Variants in TBC1D22A observed in about 807,000 individuals in gnomAD.
The protein encoded by TBC1D22A is putative GTPase activator.
Under a neutral mutation model 60.2 loss-of-function variants are expected in TBC1D22A, and 38 were observed. The ratio of observed to expected loss-of-function variants is 0.63; its 90% CI spans 0.49 to 0.83. The LOEUF is 0.83. TBC1D22A is among the 40% of genes least tolerant of loss of function. The probability of loss-of-function intolerance (pLI) is 0.00; values close to 1 mark genes in which losing one functional copy is unlikely to be tolerated. For missense variants in TBC1D22A, 628 were observed against 701.0 expected (o/e 0.90, Z 1.18); for synonymous variants, 302 against 281.7 (o/e 1.07, Z -0.72).
intron 8 of TBC1D22A, among the ~76,000 whole-genome samples, chr22:46,942,442 C>T (rs1443462270): frequency 6.6e-6 from 1 of 152,124 alleles, no homozygotes; most frequent in East Asian, 1.9e-4. Flanking sequence ...CTACTCTGGT[C>T]ACAGCGTTTC....
At chr22:47,076,094 T>G (rs575990289) in intron 11 of TBC1D22A, among the ~76,000 whole-genome samples, 103 of 152,194 alleles carry the variant, frequency 6.8e-4, no homozygotes, top group Middle Eastern at 3.4e-3. Flanking sequence ...CTGTAATCAT[T>G]GTGGTAGATT....
chr22:46,786,095 G>A (rs959456149), intron 1 of TBC1D22A, among the ~76,000 whole-genome samples: 6 of 152,154 alleles, frequency 3.9e-5, no homozygotes, highest in Non-Finnish European at 8.8e-5. Flanking sequence ...TTTTTCCTGA[G>A]CTTAGGGGCA....
rs779141261 is a variant in TBC1D22A at position 46,836,326 on chromosome 22, T to A, written c.637+38706T>A. ...TATGGTATCAATAGCAAAATGTGCA[T>A]GTGTGTATTTGTAAGAGAGAGAACT... On this transcript the variant is annotated intron_variant, in intron 4 of 12. Transcript: ENST00000337137. 5.3e-5 allele frequency among the ~76,000 whole-genome samples: 8 copies of A among 152,326 alleles called. No individual in the cohort carries two copies. The South Asian group carries it at 1.0e-3, about 20-fold the overall frequency.
intron 1 of TBC1D22A, among the ~76,000 whole-genome samples, chr22:46,784,069 A>C (rs924984661): frequency 5.9e-5 from 9 of 152,112 alleles, no homozygotes; most frequent in African/African-American, 1.9e-4. Flanking sequence ...TTTTGTATAC[A>C]AAGTCTTGCT....
intron 1 of TBC1D22A, among the ~76,000 whole-genome samples, chr22:46,776,307 TG>T (rs1224660341): frequency 1.3e-5 from 2 of 152,050 alleles, no homozygotes; most frequent in Non-Finnish European, 2.9e-5. Context: ...GCTGGCTACC[TG>T]AGAACAGAGG....
intron 11 of TBC1D22A, among the ~76,000 whole-genome samples, chr22:47,066,020 G>C (rs886803509): frequency 1.3e-5 from 2 of 152,212 alleles, no homozygotes; most frequent in Admixed American, 1.3e-4. Flanking sequence ...CGTCATGGGA[G>C]ATAAAGACTT....
At chr22:47,091,886 T>C (rs1341214547) in intron 11 of TBC1D22A, among the ~76,000 whole-genome samples, 1 of 152,188 alleles carries the variant, frequency 6.6e-6, no homozygotes, top group Admixed American at 6.6e-5. Context: ...ATTCTCTTAA[T>C]CACCTGTTTT....
At chr22:47,031,876 G>T (rs1021523873) in intron 10 of TBC1D22A, among the ~76,000 whole-genome samples, 16 of 152,184 alleles carry the variant, frequency 1.1e-4, no homozygotes, top group African/African-American at 3.9e-4. Flanking sequence ...TCAGGGAGGG[G>T]CTGAGGGCTT....
intron 4 of TBC1D22A, among the ~76,000 whole-genome samples, chr22:46,843,164 G>A (rs2086845195): frequency 6.6e-6 from 1 of 152,210 alleles, no homozygotes; most frequent in Admixed American, 6.5e-5. Flanking sequence ...CACTGAGCCA[G>A]TTCTGCTGCT....
intron 4 of TBC1D22A, among the ~76,000 whole-genome samples, chr22:46,847,918 G>GT (rs2087080009): frequency 3.0e-5 from 4 of 134,136 alleles, no homozygotes; most frequent in African/African-American, 1.3e-4. Flanking sequence ...TACCCTAGTG[G>GT]GTGTGTGTGT....
chr22:46,813,057 T>G (rs1376958796), intron 4 of TBC1D22A, among the ~76,000 whole-genome samples: 1 of 152,256 alleles, frequency 6.6e-6, no homozygotes, highest in African/African-American at 2.4e-5. Flanking sequence ...CGCAGGTCTT[T>G]CTGTATGCAG....
chr22:47,155,757 C>G (rs983786212), intron 12 of TBC1D22A, among the ~76,000 whole-genome samples: 1 of 152,246 alleles, frequency 6.6e-6, no homozygotes, highest in South Asian at 2.1e-4. Context: ...GACCCCCACC[C>G]GAGTGCCCAC....
chr22:47,151,439 G>A (rs1285576732), intron 12 of TBC1D22A, among the ~76,000 whole-genome samples: 1 of 152,232 alleles, frequency 6.6e-6, no homozygotes, highest in Non-Finnish European at 1.5e-5. Flanking sequence ...TTTTCACAAT[G>A]TATATTACAA....
rs781081571 is a variant in TBC1D22A, at chr22:47,009,964, G to A, written c.1201+12255G>A. Among the ~76,000 whole-genome samples, 2 of 152,340 alleles carry A rather than the reference G, an allele frequency of 1.3e-5. No individual in the cohort carries two copies. The highest frequency in any genetic ancestry group is 2.9e-5 in the Non-Finnish European group (2 of 68,020). On this transcript the variant is annotated intron_variant, in intron 10 of 12. Transcript: ENST00000337137. The surrounding 1 kb of genome is among the most constrained non-coding windows in gnomAD (Gnocchi z 5.8). ...GAGTCAGGGGCACCGAGGTGACAGT[G>A]GCCATTGTTATTAGTCATATCTTAC...
In TBC1D22A at chr22:46,972,617, G is replaced by A. The variant is rs146322946; in HGVS notation, c.1016-1673G>A. Among the ~76,000 whole-genome samples, 70 of 152,320 alleles carry A rather than the reference G, an allele frequency of 4.6e-4. 1 individual carries two copies. Among genetic ancestry groups the A allele is most frequent in the Admixed American group, 2.7e-3 (42 of 15,314 alleles). On this transcript the variant is annotated intron_variant, in intron 8 of 12. Coordinates refer to ENST00000337137, the MANE Select transcript of TBC1D22A (RefSeq NM_014346.5). Reference sequence around the variant, plus strand: ...ACTCCATAGAGACAGAGGCAGGTTCGTGGTTGCCAGGCGTGGGGTGGGGAG... The same window carrying A: ...ACTCCATAGAGACAGAGGCAGGTTCATGGTTGCCAGGCGTGGGGTGGGGAG...
In TBC1D22A at chr22:47,089,346, C is replaced by T. The variant is rs149100325; in HGVS notation, c.1330-22162C>T. 8.9e-4 allele frequency among the ~76,000 whole-genome samples: 136 copies of T among 152,288 alleles called. 1 individual carries two copies. In the East Asian group the frequency reaches 0.024, roughly 27 times the overall value. On this transcript the variant is annotated intron_variant, in intron 11 of 12. Coordinates refer to ENST00000337137, the MANE Select transcript of TBC1D22A (RefSeq NM_014346.5). ...ATAACCTAGCAGCATGCAGGCAGAG[C>T]GGGGGTCGGTAATAAATGAAATGGC...
At chr22:47,018,670 G>T (rs2061981113) in intron 10 of TBC1D22A, among the ~76,000 whole-genome samples, 2 of 152,142 alleles carry the variant, frequency 1.3e-5, no homozygotes, top group Non-Finnish European at 1.5e-5. Flanking sequence ...CTCTAAAGAT[G>T]CGTGAGCTGG....
In TBC1D22A at chr22:47,019,867, C is replaced by A. The variant is rs142818799; in HGVS notation, c.1202-17204C>A. On this transcript the variant is annotated intron_variant, in intron 10 of 12. Coordinates refer to ENST00000337137, the MANE Select transcript of TBC1D22A (RefSeq NM_014346.5). ...CCTCTCTCTTAACTCTTCATCCTTC[C>A]CCTCTCCCTTAACCCTCCATCCTCT... is the stretch of plus-strand genomic sequence containing the variant. Among the ~76,000 whole-genome samples, 9 of 147,476 alleles carry A rather than the reference C, an allele frequency of 6.1e-5. No individual in the cohort carries two copies. In the East Asian group the frequency reaches 1.8e-3, roughly 30 times the overall value.
chr22:47,047,091 G>C (rs566763269), intron 11 of TBC1D22A, among the ~76,000 whole-genome samples: 1 of 152,210 alleles, frequency 6.6e-6, no homozygotes, highest in African/African-American at 2.4e-5. Flanking sequence ...GCTTGGTTTC[G>C]TTTGCTGTGA....
Sources: allele counts gnomAD v4.1 joint callset (sites outside exome capture counted in the v4.1 genomes callset), GRCh38; gene constraint gnomAD v4.1.1; non-coding constraint Gnocchi (gnomAD v3.1); transcripts MANE v1.5; gene names NCBI Gene and HGNC (gene_info 2026-07-23, HGNC 2026-07-21).